MKRN1: variants seen among roughly 807,000 people sequenced by gnomAD.
The protein encoded by MKRN1 is E3 ubiquitin-protein ligase makorin-1.
MKRN1 carries 9 observed loss-of-function variants against 55.5 expected under a neutral mutation model. The observed-to-expected ratio is 0.16, with a 90% confidence interval of 0.10 to 0.28. MKRN1 has a LOEUF of 0.28. Ranked by LOEUF, MKRN1 falls within the 10% of genes least tolerant of loss-of-function variation. The pLI, the probability that MKRN1 is intolerant of heterozygous loss-of-function variation, is 1.00. For missense variants in MKRN1, 488 were observed against 626.7 expected, an observed-to-expected ratio of 0.78 and a Z score of 2.36; for synonymous variants, 253 against 235.9, an observed-to-expected ratio of 1.07 and a Z score of -0.66.
intron 1 of MKRN1, chr7:140,478,955 G>A: frequency 3.8e-6 from 2 of 528,710 alleles, no homozygotes; most frequent in Non-Finnish European, 5.6e-6. Context: ...AGCGCTGAGG[G>A]CTCCGCGGCC....
At chr7:140,476,534 T>A (rs1289366682) in intron 1 of MKRN1, among the ~76,000 whole-genome samples, 3 of 142,050 alleles carry the variant, frequency 2.1e-5, no homozygotes, top group Non-Finnish European at 4.5e-5. Context: ...CTTTGGTAAT[T>A]TACAAGTTTT....
chr7:140,472,002 C>A lies in MKRN1; in HGVS notation c.195G>T (p.Met65Ile). The A allele has an allele frequency of 6.2e-7, 1 of 1,614,032 alleles. No homozygotes were observed. Among genetic ancestry groups the A allele is most frequent in the Non-Finnish European group, 8.5e-7 (1 of 1,180,018 alleles). ...TGTCTCCTTCCTTACAAACCCCATG[C>A]ATAAAATACCTGTGAGACGAAAGAC... is the stretch of plus-strand genomic sequence containing the variant. Reference protein sequence around the residue: ...WTKQVTCRYFMHGVCKEGDNC... With the variant: ...WTKQVTCRYFIHGVCKEGDNC... The change falls in exon 2 of 8, where the codon ATG (methionine) becomes ATT (isoleucine). Residue 65 changes from methionine to isoleucine, a missense_variant. Coordinates refer to ENST00000255977, the MANE Select transcript of MKRN1 (RefSeq NM_013446.4).
chr7:140,478,419 C>G (rs990230571), intron 1 of MKRN1: 4 of 152,056 alleles, frequency 2.6e-5, no homozygotes, highest in Non-Finnish European at 5.9e-5. Flanking sequence ...TCACTCCCTT[C>G]GGAAGATGCG....
intron 1 of MKRN1, among the ~76,000 whole-genome samples, chr7:140,475,617 C>A (rs2130368267): frequency 6.6e-6 from 1 of 152,182 alleles, no homozygotes; most frequent in Non-Finnish European, 1.5e-5. Context: ...TGAGCCAAGA[C>A]ACTGCCACTG....
intron 5 of MKRN1, 70 bp downstream of exon 5, chr7:140,456,582 A>G: frequency 6.3e-7 from 1 of 1,576,044 alleles, no homozygotes; most frequent in Non-Finnish European, 8.6e-7. Context: ...ATCTGGTTGA[A>G]AGTTGGCACA....
chr7:140,456,029 G>C, intron 5 of MKRN1, 129 bp from the exon 6 acceptor site: 1 of 1,013,914 alleles, frequency 9.9e-7, no homozygotes, highest in Non-Finnish European at 1.4e-6. Context: ...TTCCTGAAAG[G>C]GTTCCACATA....
At chr7:140,458,639 C>T (rs982843407) in intron 4 of MKRN1, among the ~76,000 whole-genome samples, 2 of 152,074 alleles carry the variant, frequency 1.3e-5, no homozygotes, top group African/African-American at 4.8e-5. Flanking sequence ...TAAACATATT[C>T]AATGTGAATC....
rs1795228595 is a variant in MKRN1, at chr7:140,479,465, T to G, written c.-121A>C. The G allele has an allele frequency of 9.6e-7, 1 of 1,043,742 alleles. No individual in the cohort carries two copies. Among genetic ancestry groups the G allele is most frequent in the Non-Finnish European group, 1.2e-6 (1 of 812,872 alleles). The allele number at this position is 1,043,742 out of a possible 1,614,324, so 64.7% of individuals were successfully genotyped here. A position where few individuals can be genotyped will look rare whatever the true frequency, so the allele number is the denominator to read the frequency against. On this transcript the variant is annotated 5_prime_UTR_variant, in exon 1 of 8. Transcript: ENST00000255977. ...AGGGGAAGGACACTGAGGCACCCGTTCGGTCCCCGCCTGCTACGCGTCGCG... is the reference window on the plus strand; with the variant it reads ...AGGGGAAGGACACTGAGGCACCCGTGCGGTCCCCGCCTGCTACGCGTCGCG...
Position 140,455,099 on chromosome 7 carries a change from T to A in MKRN1, c.1232A>T (p.Tyr411Phe). The change falls in exon 7 of 8, where the codon TAC becomes TTC. Residue 411 changes from tyrosine to phenylalanine, a missense_variant. Coordinates refer to ENST00000255977, the MANE Select transcript of MKRN1 (RefSeq NM_013446.4). ...TAAAAAAACAGTGAGAGTTACCCGG[T>A]ATCTGCTTGATGTTCCCACTTTCTG... The part of the protein sequence containing the change: ...QRQKVGTSSR[Y>F]RAQRRNHFWE... 1 of 1,613,822 alleles carries A rather than the reference T, an allele frequency of 6.2e-7. No homozygotes were observed. Among genetic ancestry groups the A allele is most frequent in the Non-Finnish European group, 8.5e-7 (1 of 1,179,972 alleles).
chr7:140,476,543 TTG>T lies in MKRN1; in HGVS notation c.185+2615_185+2616del, dbSNP rs1340071684. 5.5e-3 allele frequency among the ~76,000 whole-genome samples: 750 copies of T among 135,346 alleles called. 7 individuals are homozygous for T. The highest frequency in any genetic ancestry group is 0.025 in the African/African-American group (720 of 28,982). The allele number at this position is 135,346 out of a possible 152,430, so 88.8% of individuals were successfully genotyped here. On this transcript the variant is annotated intron_variant, in intron 1 of 7. Transcript: ENST00000255977. ...CTTTGTCTTTGGTAATTTACAAGTT[TTG>T]TTTTTTTTTTTTTTAATGAAAGCAG... is the stretch of plus-strand genomic sequence containing the variant.
intron 4 of MKRN1, among the ~76,000 whole-genome samples, chr7:140,457,234 C>T (rs552104862): frequency 3.9e-5 from 6 of 151,906 alleles, no homozygotes; most frequent in South Asian, 2.1e-4. Flanking sequence ...TAAAACCTGT[C>T]GGAAAATAAG....
In MKRN1 at chr7:140,454,555, G is replaced by A. The variant is rs1794413140; in HGVS notation, c.1411C>T (p.His471Tyr). The A allele has an allele frequency of 6.2e-7, 1 of 1,613,018 alleles. No individual in the cohort carries two copies. Among genetic ancestry groups the A allele is most frequent in the Non-Finnish European group, 8.5e-7 (1 of 1,179,846 alleles). The change falls in exon 8 of 8, where the codon CAT becomes TAT. Residue 471 changes from histidine (H) to tyrosine (Y), a missense_variant. Physicochemically the swap from His to Tyr is moderately conservative, Grantham distance 83. This residue lies in a region of MKRN1 where 278 missense variants were observed against 406.7 expected (regional missense o/e 0.68). Transcript: ENST00000255977. ...TCATAAAAATCTTCCAGCTCATCATGAAACAAGTCCCACTCATCTTCAGAG... is the reference window on the plus strand; with the variant it reads ...TCATAAAAATCTTCCAGCTCATCATAAAACAAGTCCCACTCATCTTCAGAG... ...TDSEDEWDLFHDELEDFYDLD... is the reference protein window; with the variant it reads ...TDSEDEWDLFYDELEDFYDLD...
intron 2 of MKRN1, among the ~76,000 whole-genome samples, chr7:140,465,306 C>CT (rs1255945058): frequency 7.2e-5 from 11 of 151,924 alleles, no homozygotes; most frequent in Non-Finnish European, 1.2e-4. Flanking sequence ...CAAGACCAGC[C>CT]TGGCTGACAT....
intron 2 of MKRN1, among the ~76,000 whole-genome samples, chr7:140,460,834 A>T (rs2130273783): frequency 1.3e-5 from 2 of 152,356 alleles, no homozygotes; most frequent in Middle Eastern, 3.4e-3. Flanking sequence ...TCAACATCAC[A>T]ACTACAAGTA....
In MKRN1 at chr7:140,454,581, T is replaced by C; in HGVS notation, c.1385A>G (p.Asp462Gly). 3.7e-6 allele frequency: 6 copies of C among 1,613,626 alleles called. No homozygotes were observed. The highest frequency in any genetic ancestry group is 5.1e-6 in the Non-Finnish European group (6 of 1,179,856). ...AAACAAGTCCCACTCATCTTCAGAG[T>C]CTGTTAGTTCGTCGTCCCCACCTGC... ...LAAGGDDELTDSEDEWDLFHD... is the reference protein window; with the variant it reads ...LAAGGDDELTGSEDEWDLFHD... The change falls in exon 8 of 8, where the codon GAC (aspartate) becomes GGC (glycine). Residue 462 changes from aspartate to glycine, a missense_variant. By Grantham distance (94) the Asp-to-Gly change is moderately conservative. This residue lies in a region of MKRN1 where 278 missense variants were observed against 406.7 expected (regional missense o/e 0.68). Transcript: ENST00000255977.
chr7:140,477,028 G>A (rs1259587275), intron 1 of MKRN1, among the ~76,000 whole-genome samples: 1 of 151,492 alleles, frequency 6.6e-6, no homozygotes, highest in African/African-American at 2.4e-5. Context: ...AACCTGGGAG[G>A]CGGGGGTTGT....
chr7:140,474,005 A>AAAAGAAAGAAAG (rs71272543), intron 1 of MKRN1, among the ~76,000 whole-genome samples: 1,741 of 65,396 alleles, frequency 0.027, 42 homozygotes, highest in African/African-American at 0.03. Flanking sequence ...AAAAAAAAAA[A>AAAAGAAAGAAAG]AAAGAAAGAA....
In MKRN1 at chr7:140,456,581, A is replaced by C. The variant is rs1233706392; in HGVS notation, c.986+71T>G. The C allele has an allele frequency of 6.3e-6, 10 of 1,574,980 alleles. No homozygotes were observed. The Admixed American group carries it at 1.8e-4, about 28-fold the overall frequency. On this transcript the variant is annotated intron_variant, in intron 5 of 7. Transcript: ENST00000255977. ...CATTTAAATGCGGTCCATCTGGTTG[A>C]AAGTTGGCACAAGTTACTAAATTCT...
intron 4 of MKRN1, 89 bp downstream of exon 4, chr7:140,458,918 A>G: frequency 7.3e-7 from 1 of 1,370,888 alleles, no homozygotes. Flanking sequence ...AATTCATCAA[A>G]TGTTTCTCTG....
Sources: gnomAD v4.1 joint callset for allele counts (sites outside exome capture counted in the v4.1 genomes callset) on GRCh38, gnomAD v4.1.1 for gene constraint, gnomAD v4.1.1 regional missense constraint, MANE v1.5 for transcripts, NCBI Gene and HGNC (gene_info 2026-07-23, HGNC 2026-07-21) for gene names.